Variants in SARNP observed in about 807,000 individuals in gnomAD.
SARNP encodes the protein SAP domain containing ribonucleoprotein.
A neutral mutation model predicts 38.1 loss-of-function variants in SARNP; 5 were observed. The observed-to-expected ratio is 0.13, with a 90% confidence interval of 0.07 to 0.28. SARNP has a LOEUF of 0.28. Among genes scored for constraint, SARNP ranks in the 10% least tolerant of loss-of-function variants. SARNP has a pLI of 1.00. For missense variants in SARNP, 180 were observed against 243.9 expected (o/e 0.74, Z 1.75); for synonymous variants, 84 against 80.6 (o/e 1.04, Z -0.23).
intron 1 of SARNP, among the ~76,000 whole-genome samples, chr12:55,812,398 A>C (rs926282820): frequency 3.9e-5 from 6 of 152,232 alleles, no homozygotes; most frequent in Non-Finnish European, 5.9e-5. Flanking sequence ...GTAAAATACA[A>C]GCTCTATGAG....
intron 5 of SARNP, 122 bp from the exon 6 acceptor site, chr12:55,795,002 C>G (rs1879781634): frequency 1.7e-6 from 1 of 588,846 alleles, no homozygotes; most frequent in Non-Finnish European, 2.9e-6. Flanking sequence ...CTCTGTCCCC[C>G]AGCCTGGAGT....
chr12:55,803,532 C>G, intron 2 of SARNP, 97 bp downstream of exon 2: 1 of 658,786 alleles, frequency 1.5e-6, no homozygotes, highest in African/African-American at 1.9e-5. Context: ...TAAGAGCTTA[C>G]ATTGCTAATG....
intron 1 of SARNP, among the ~76,000 whole-genome samples, chr12:55,808,613 T>C (rs182773657): frequency 6.6e-6 from 1 of 152,012 alleles, no homozygotes; most frequent in Admixed American, 6.6e-5. Context: ...TTTTTTTAAT[T>C]AGTCACACAA....
intron 9 of SARNP, chr12:55,761,961 T>C (rs951347227): frequency 6.6e-6 from 1 of 152,250 alleles, no homozygotes; most frequent in Non-Finnish European, 1.5e-5. Context: ...TTTGACTTTA[T>C]TTACGTTGTT....
intron 9 of SARNP, among the ~76,000 whole-genome samples, chr12:55,780,114 C>T (rs1328619443): frequency 6.6e-6 from 1 of 152,092 alleles, no homozygotes; most frequent in African/African-American, 2.4e-5. Flanking sequence ...TGCCACTGCA[C>T]TTCAGCCTGG....
chr12:55,795,991 TAG>T lies in SARNP; in HGVS notation c.303+32_303+33del, dbSNP rs754165121. 4.1e-6 allele frequency: 6 copies of T among 1,448,192 alleles called. No homozygotes were observed. In the African/African-American group the frequency reaches 8.4e-5, roughly 20 times the overall value. 89.7% of individuals were successfully genotyped at this position (1,448,192 alleles called of 1,614,324 possible). On this transcript the variant is annotated intron_variant, in intron 5 of 10. Transcript: ENST00000336133. ...AAAGGGTAAGAGGGAGAGAGAAATG[TAG>T]AGACTGTTCTACTAGGGAGCAGAAT...
At chr12:55,812,792 C>A (rs939844806) in intron 1 of SARNP, among the ~76,000 whole-genome samples, 3 of 152,234 alleles carry the variant, frequency 2.0e-5, no homozygotes, top group Non-Finnish European at 4.4e-5. Context: ...TCTTGACATG[C>A]TTATTCACTC....
intron 10 of SARNP, among the ~76,000 whole-genome samples, chr12:55,759,493 C>T (rs1283659236): frequency 2.0e-5 from 3 of 151,790 alleles, no homozygotes; most frequent in African/African-American, 7.3e-5. Context: ...TCACCGCAAC[C>T]TCTGCCTCCC....
At chr12:55,814,873 TAAAAAAA>T (rs779186349) in intron 1 of SARNP, among the ~76,000 whole-genome samples, 6 of 135,314 alleles carry the variant, frequency 4.4e-5, no homozygotes, top group African/African-American at 1.6e-4. Flanking sequence ...CATCTCAATT[TAAAAAAA>T]AAAAAAAAAG....
At chr12:55,786,121 A>T (rs1879485616) in intron 9 of SARNP, among the ~76,000 whole-genome samples, 1 of 152,206 alleles carries the variant, frequency 6.6e-6, no homozygotes, top group African/African-American at 2.4e-5. Context: ...AAGTCTAGGG[A>T]AGGGAAGAGA....
chr12:55,767,064 A>G (rs113469719), intron 9 of SARNP, among the ~76,000 whole-genome samples: 4,520 of 152,306 alleles, frequency 0.03, 80 homozygotes, highest in Middle Eastern at 0.12. Flanking sequence ...AAAGACAGAC[A>G]TTCAAGCCTG....
rs145659905 is a variant in SARNP at position 55,805,296 on chromosome 12, A to G, written c.37-1568T>C. 1.0e-3 allele frequency among the ~76,000 whole-genome samples: 153 copies of G among 152,362 alleles called. 1 individual carries two copies. The highest frequency in any genetic ancestry group is 3.6e-3 in the African/African-American group (151 of 41,594). On this transcript the variant is annotated intron_variant, in intron 1 of 10. Coordinates refer to ENST00000336133, the MANE Select transcript of SARNP (RefSeq NM_033082.4). Reference sequence around the variant, plus strand: ...AAATAAAATAAATAAAACATATTACAACGACTAGCAAAGCATTTAGTGAGT... The same window carrying G: ...AAATAAAATAAATAAAACATATTACGACGACTAGCAAAGCATTTAGTGAGT...
In SARNP at chr12:55,757,486, G is replaced by A. The variant is rs1267437938; in HGVS notation, c.*26C>T. On this transcript the variant is annotated 3_prime_UTR_variant, in exon 11 of 11. Coordinates refer to ENST00000336133, the MANE Select transcript of SARNP (RefSeq NM_033082.4). Reference sequence around the variant, plus strand: ...AAGGAGAGAAATGGAAAACACTGGAGAACAGAAAGTATCAGGAACTTTTCA... The same window carrying A: ...AAGGAGAGAAATGGAAAACACTGGAAAACAGAAAGTATCAGGAACTTTTCA... 9 of 1,596,558 alleles carry A rather than the reference G, an allele frequency of 5.6e-6. No individual in the cohort carries two copies. In the East Asian group the frequency reaches 1.6e-4, roughly 28 times the overall value.
intron 4 of SARNP, among the ~76,000 whole-genome samples, chr12:55,799,064 G>A (rs1005184272): frequency 2.0e-5 from 3 of 152,024 alleles, no homozygotes; most frequent in Non-Finnish European, 2.9e-5. Flanking sequence ...GTGTGTATAC[G>A]TGTATCTATA....
chr12:55,768,780 A>G (rs1428359313), intron 9 of SARNP, among the ~76,000 whole-genome samples: 2 of 145,368 alleles, frequency 1.4e-5, no homozygotes, highest in African/African-American at 5.2e-5. Context: ...CTGCAGTGCA[A>G]TGGCACGATC....
chr12:55,798,186 T>C (rs1326428075), intron 4 of SARNP, among the ~76,000 whole-genome samples: 3 of 152,170 alleles, frequency 2.0e-5, no homozygotes, highest in East Asian at 1.9e-4. Context: ...AAAGTAGTAT[T>C]TGATAGGCTG....
At chr12:55,803,960 T>TA (rs1272014537) in intron 1 of SARNP, among the ~76,000 whole-genome samples, 5 of 152,312 alleles carry the variant, frequency 3.3e-5, no homozygotes, top group South Asian at 2.1e-4. Flanking sequence ...CACACTTTAA[T>TA]AAAAAACCTC....
rs755415873 is a variant in SARNP, at chr12:55,760,531, C to T, written c.591+20G>A. On this transcript the variant is annotated intron_variant, in intron 10 of 10. Transcript: ENST00000336133. ...TAATTTCCCTTCAAGGTCTATGAAG[C>T]GTTCCAGGTATATTTTTACCTCTGT... 29 of 1,405,428 alleles carry T rather than the reference C, an allele frequency of 2.1e-5. 1 individual carries two copies. In the South Asian group the frequency reaches 2.6e-4, roughly 13 times the overall value. 87.1% of individuals were successfully genotyped at this position (1,405,428 alleles called of 1,614,324 possible). A position where few individuals can be genotyped will look rare whatever the true frequency, so the allele number is the denominator to read the frequency against.
intron 1 of SARNP, among the ~76,000 whole-genome samples, chr12:55,807,324 G>A (rs1880177922): frequency 6.6e-6 from 1 of 152,042 alleles, no homozygotes; most frequent in Non-Finnish European, 1.5e-5. Context: ...GCACCCCAAG[G>A]ACTGTGAACC....
Sources: allele counts gnomAD v4.1 joint callset (sites outside exome capture counted in the v4.1 genomes callset), GRCh38; gene constraint gnomAD v4.1.1; transcripts MANE v1.5; gene names NCBI Gene and HGNC (gene_info 2026-07-23, HGNC 2026-07-21).